Variants in FBXW11 observed in about 807,000 individuals in gnomAD.
The protein encoded by FBXW11 is F-box and WD repeat domain containing 11.
In FBXW11, 19 loss-of-function variants were observed where a neutral mutation model predicts 77.6. The observed-to-expected ratio is 0.24, with a 90% CI of 0.17 to 0.36. The LOEUF (loss-of-function observed/expected upper bound fraction) is 0.36, where lower values mean the gene tolerates loss of function less well. FBXW11 is among the 10% of genes least tolerant of loss of function. FBXW11 has a pLI of 1.00. For missense variants in FBXW11, 334 were observed against 704.2 expected, an observed-to-expected ratio of 0.47 and a Z score of 5.95; for synonymous variants, 235 against 249.4, an observed-to-expected ratio of 0.94 and a Z score of 0.54.
At chr5:171,920,513 G>T (rs1026202252) in intron 2 of FBXW11, among the ~76,000 whole-genome samples, 2 of 151,568 alleles carry the variant, frequency 1.3e-5, no homozygotes, top group African/African-American at 4.9e-5. Context: ...ACTGCCTGAG[G>T]CGAGGAGTTT....
At chr5:171,966,878 A>G (rs114746441) in intron 1 of FBXW11, among the ~76,000 whole-genome samples, 1,661 of 152,322 alleles carry the variant, frequency 0.011, 19 homozygotes, top group Non-Finnish European at 0.019. Context: ...TACCGTACTC[A>G]TTAACTCTCA....
chr5:171,972,275 T>TG (rs1253148280), intron 1 of FBXW11, among the ~76,000 whole-genome samples: 2 of 151,458 alleles, frequency 1.3e-5, no homozygotes, highest in African/African-American at 2.4e-5. Flanking sequence ...CCCAGGAGTT[T>TG]GAGACCAGCC....
intron 2 of FBXW11, among the ~76,000 whole-genome samples, chr5:171,941,568 CTA>C (rs1422837923): frequency 2.0e-5 from 3 of 151,226 alleles, no homozygotes; most frequent in Non-Finnish European, 2.9e-5. Context: ...CGTATTATGA[CTA>C]TGTAGAACAT....
chr5:171,883,870 ATTTG>A (rs1487163185), intron 7 of FBXW11, among the ~76,000 whole-genome samples: 4 of 150,622 alleles, frequency 2.7e-5, no homozygotes, highest in African/African-American at 7.3e-5. Context: ...TTTCTTGTTG[ATTTG>A]TTTGAGTTCA....
chr5:171,882,422 C>G (rs1758579496), intron 7 of FBXW11, among the ~76,000 whole-genome samples: 1 of 152,154 alleles, frequency 6.6e-6, no homozygotes, highest in East Asian at 1.9e-4. Context: ...CCACCTCAGC[C>G]TCTTGAGTAG....
chr5:171,983,727 G>C, intron 1 of FBXW11, among the ~76,000 whole-genome samples: 1 of 152,126 alleles, frequency 6.6e-6, no homozygotes, highest in East Asian at 1.9e-4. Flanking sequence ...CATGGTTTGA[G>C]AGTTTTTCCC....
intron 2 of FBXW11, among the ~76,000 whole-genome samples, chr5:171,951,466 G>GGT (rs1237869212): frequency 6.6e-6 from 1 of 152,122 alleles, no homozygotes; most frequent in Non-Finnish European, 1.5e-5. Flanking sequence ...GAGCTTGGGA[G>GGT]GTCAAGGTTG....
rs1327050532 is a variant in FBXW11, at chr5:171,899,113, CAG to C, written c.624-21_624-20del. The stretch of plus-strand genomic sequence containing the variant: ...CTGATCCCTGGCAAATAAAAACAAA[CAG>C]ATGTTACATTTTTGCACATAAAAGG... On this transcript the variant is annotated intron_variant, in intron 5 of 13. Transcript: ENST00000517395. The C allele has an allele frequency of 3.3e-6, 5 of 1,536,176 alleles. No homozygotes were observed. The highest frequency in any genetic ancestry group is 4.4e-6 in the Non-Finnish European group (5 of 1,129,810).
intron 3 of FBXW11, 148 bp downstream of exon 3, chr5:171,914,195 G>T: frequency 1.5e-6 from 1 of 652,430 alleles, no homozygotes; most frequent in Non-Finnish European, 2.6e-6. Flanking sequence ...ATGGAATGAA[G>T]ATAAATTAGG....
chr5:171,972,835 G>A (rs958124586), intron 1 of FBXW11, among the ~76,000 whole-genome samples: 3 of 152,140 alleles, frequency 2.0e-5, no homozygotes, highest in Non-Finnish European at 2.9e-5. Flanking sequence ...GTGAGCCACC[G>A]TGCCTGGCCA....
chr5:171,899,797 TCCC>T, intron 5 of FBXW11, 114 bp downstream of exon 5: 9 of 897,110 alleles, frequency 1.0e-5, no homozygotes, highest in Non-Finnish European at 1.5e-5. Flanking sequence ...CCACTCATTT[TCCC>T]CCCTTTTTAA....
At position 171,862,420 on chromosome 5, in the gene FBXW11, A is replaced by C. The variant is rs1757146177; in HGVS notation, c.*1707T>G. On this transcript the variant is annotated 3_prime_UTR_variant, in exon 14 of 14. Coordinates refer to ENST00000517395, the MANE Select transcript of FBXW11 (RefSeq NM_001378974.1). Reference sequence around the variant, plus strand: ...CCACACCGTTCTCAATGCAAAGGACAAATCAGAGCCCAGGGCCTTCCCTTT... The same window carrying C: ...CCACACCGTTCTCAATGCAAAGGACCAATCAGAGCCCAGGGCCTTCCCTTT... 1 of 37,250 alleles carries C rather than the reference A, an allele frequency of 2.7e-5. No individual in the cohort carries two copies. The highest frequency in any genetic ancestry group is 1.4e-3 in the South Asian group (1 of 696). The allele number at this position is 37,250 out of a possible 1,614,324, so 2.3% of individuals were successfully genotyped here. A position where few individuals can be genotyped will look rare whatever the true frequency, so the allele number is the denominator to read the frequency against.
chr5:171,910,880 G>T, intron 3 of FBXW11, 83 bp from the exon 4 acceptor site: 1 of 1,012,520 alleles, frequency 9.9e-7, no homozygotes, highest in Non-Finnish European at 1.4e-6. Flanking sequence ...TTTTCACCCT[G>T]TGTATTTAAT....
At chr5:171,896,619 T>C (rs1354400808) in intron 6 of FBXW11, among the ~76,000 whole-genome samples, 1 of 152,222 alleles carries the variant, frequency 6.6e-6, no homozygotes, top group Non-Finnish European at 1.5e-5. Context: ...TGGATAGAGC[T>C]AGACAGACCT....
At chr5:171,878,553 A>AGTGT (rs34933781) in intron 7 of FBXW11, among the ~76,000 whole-genome samples, 9,871 of 105,262 alleles carry the variant, frequency 0.094, 602 homozygotes, top group African/African-American at 0.17. Flanking sequence ...TCTCCATAAG[A>AGTGT]GTGTGTGAGT....
chr5:171,940,686 G>C (rs1026478736), intron 2 of FBXW11, among the ~76,000 whole-genome samples: 1 of 152,098 alleles, frequency 6.6e-6, no homozygotes, highest in African/African-American at 2.4e-5. Context: ...TCAGGAGTTC[G>C]AGACCAGCCT....
At chr5:171,918,022 G>C (rs972185851) in intron 2 of FBXW11, among the ~76,000 whole-genome samples, 2 of 151,862 alleles carry the variant, frequency 1.3e-5, no homozygotes, top group Non-Finnish European at 2.9e-5. Context: ...CACTGGACTA[G>C]AGCAACAGCC....
intron 4 of FBXW11, among the ~76,000 whole-genome samples, chr5:171,908,186 A>T (rs1760652653): frequency 6.6e-6 from 1 of 152,172 alleles, no homozygotes; most frequent in Admixed American, 6.5e-5. Flanking sequence ...ACATACAGAG[A>T]AGCTGCATCA....
At chr5:171,902,511 G>A (rs942145185) in intron 4 of FBXW11, among the ~76,000 whole-genome samples, 9 of 152,112 alleles carry the variant, frequency 5.9e-5, no homozygotes, top group South Asian at 2.1e-4. Flanking sequence ...CTTTTCAGAG[G>A]CTGATTAGCC....
Sources: allele counts gnomAD v4.1 joint callset (sites outside exome capture counted in the v4.1 genomes callset), GRCh38; gene constraint gnomAD v4.1.1; transcripts MANE v1.5; gene names NCBI Gene and HGNC (gene_info 2026-07-23, HGNC 2026-07-21).